Variants in SCLT1 observed in about 807,000 individuals in gnomAD.
The protein encoded by SCLT1 is sodium channel and clathrin linker 1.
SCLT1 carries 78 observed loss-of-function variants against 112.8 expected under a neutral mutation model. The ratio of observed to expected loss-of-function variants is 0.69; its 90% CI spans 0.58 to 0.83. SCLT1 has a LOEUF of 0.83. SCLT1 is among the 40% of genes least tolerant of loss of function. The pLI is 0.00. For missense variants in SCLT1, 747 were observed against 770.4 expected, an observed-to-expected ratio of 0.97 and a Z score of 0.36; for synonymous variants, 257 against 254.7, an observed-to-expected ratio of 1.01 and a Z score of -0.09.
intron 11 of SCLT1, among the ~76,000 whole-genome samples, chr4:128,961,752 C>T (rs958433277): frequency 2.0e-5 from 3 of 152,200 alleles, no homozygotes; most frequent in African/African-American, 7.2e-5. Flanking sequence ...CACCAGGACT[C>T]CCTACCAATC....
chr4:128,965,797 T>C (rs550401316), intron 10 of SCLT1, among the ~76,000 whole-genome samples: 2 of 151,988 alleles, frequency 1.3e-5, no homozygotes, highest in South Asian at 4.1e-4. Flanking sequence ...TCTTGCTTCA[T>C]GTGTTAACAA....
intron 5 of SCLT1, among the ~76,000 whole-genome samples, chr4:129,020,047 C>T (rs1441374079): frequency 1.3e-5 from 2 of 152,186 alleles, no homozygotes; most frequent in African/African-American, 2.4e-5. Context: ...CTGGTCCCTA[C>T]CCGCCATGTG....
intron 18 of SCLT1, among the ~76,000 whole-genome samples, chr4:128,912,200 A>AT (rs1445538645): frequency 7.9e-5 from 12 of 152,306 alleles, no homozygotes; most frequent in African/African-American, 2.6e-4. Flanking sequence ...GCAATTTATT[A>AT]TTAATTAAAG....
chr4:129,002,081 T>C (rs978087162), intron 6 of SCLT1, among the ~76,000 whole-genome samples: 2 of 152,010 alleles, frequency 1.3e-5, no homozygotes, highest in African/African-American at 4.8e-5. Context: ...AAAATATCAC[T>C]TTCATAATTA....
chr4:129,070,901 T>C (rs1221142500), intron 2 of SCLT1, among the ~76,000 whole-genome samples: 1 of 152,128 alleles, frequency 6.6e-6, no homozygotes, highest in African/African-American at 2.4e-5. Flanking sequence ...CTTTTTGATG[T>C]ATGTGTTTAG....
At chr4:128,954,399 A>C (rs1283728174) in intron 13 of SCLT1, among the ~76,000 whole-genome samples, 4 of 150,548 alleles carry the variant, frequency 2.7e-5, no homozygotes, top group African/African-American at 9.8e-5. Context: ...GCTCACGGCA[A>C]GCCCCGCCTC....
chr4:129,030,547 A>G (rs961856422), intron 5 of SCLT1, among the ~76,000 whole-genome samples: 9 of 152,246 alleles, frequency 5.9e-5, no homozygotes, highest in African/African-American at 2.2e-4. Flanking sequence ...AATATTAACA[A>G]TATAGACGGA....
At chr4:128,970,708 G>A in intron 9 of SCLT1, 1 of 383,286 alleles carries the variant, frequency 2.6e-6, no homozygotes, top group Non-Finnish European at 4.7e-6. Flanking sequence ...TGCTGTACTT[G>A]GGTAAATTAT....
intron 10 of SCLT1, 139 bp downstream of exon 10, chr4:128,970,239 C>T: frequency 1.6e-6 from 1 of 625,168 alleles, no homozygotes; most frequent in Non-Finnish European, 2.8e-6. Flanking sequence ...GTTTAGCTTC[C>T]TACTTTCATA....
At chr4:129,013,288 A>G (rs1744703214) in intron 5 of SCLT1, among the ~76,000 whole-genome samples, 1 of 152,108 alleles carries the variant, frequency 6.6e-6, no homozygotes, top group African/African-American at 2.4e-5. Flanking sequence ...GTGCCTTTTA[A>G]TTGAGGCATT....
At chr4:128,912,362 T>C (rs1296829917) in intron 18 of SCLT1, among the ~76,000 whole-genome samples, 2 of 152,196 alleles carry the variant, frequency 1.3e-5, no homozygotes, top group Non-Finnish European at 2.9e-5. Flanking sequence ...GATGCTATTG[T>C]ATGTCAAGGG....
intron 4 of SCLT1, among the ~76,000 whole-genome samples, chr4:129,042,899 T>G (rs1207678179): frequency 6.6e-6 from 1 of 151,570 alleles, no homozygotes; most frequent in African/African-American, 2.4e-5. Context: ...ATGGTGAAAC[T>G]CCATCTCTAC....
At chr4:128,999,221 G>A (rs1222441436) in intron 7 of SCLT1, among the ~76,000 whole-genome samples, 1 of 151,890 alleles carries the variant, frequency 6.6e-6, no homozygotes, top group African/African-American at 2.4e-5. Flanking sequence ...AGACAAAATT[G>A]ACACCTATTT....
chr4:129,010,527 T>C (rs1186077628), intron 5 of SCLT1, among the ~76,000 whole-genome samples: 1 of 152,240 alleles, frequency 6.6e-6, no homozygotes, highest in African/African-American at 2.4e-5. Context: ...TTTTACAATA[T>C]TGATGCTTTC....
chr4:129,036,012 T>C (rs901563627), intron 5 of SCLT1, among the ~76,000 whole-genome samples: 5 of 152,018 alleles, frequency 3.3e-5, no homozygotes, highest in Non-Finnish European at 1.5e-5. Flanking sequence ...TCCACACCAT[T>C]GCTACCTTCC....
chr4:128,896,461 G>A (rs1331808637), intron 18 of SCLT1, among the ~76,000 whole-genome samples: 2 of 152,198 alleles, frequency 1.3e-5, no homozygotes, highest in African/African-American at 4.8e-5. Context: ...GCAGCTGAGG[G>A]TCCTGACTGT....
intron 11 of SCLT1, among the ~76,000 whole-genome samples, chr4:128,964,435 A>G (rs1430776082): frequency 3.3e-5 from 5 of 152,182 alleles, no homozygotes; most frequent in Non-Finnish European, 7.4e-5. Context: ...AACACAAGGG[A>G]GAACAGTACT....
At chr4:129,022,655 C>A (rs2126125599) in intron 5 of SCLT1, among the ~76,000 whole-genome samples, 1 of 152,126 alleles carries the variant, frequency 6.6e-6, no homozygotes, top group East Asian at 1.9e-4. Context: ...GTGAAAAGAC[C>A]AAACCTACGA....
chr4:129,024,307 G>A (rs181494340), intron 5 of SCLT1, among the ~76,000 whole-genome samples: 1 of 152,322 alleles, frequency 6.6e-6, no homozygotes, highest in East Asian at 1.9e-4. Context: ...CCAAGTAGGG[G>A]CAGACTGACA....
Sources: gnomAD v4.1 joint callset for allele counts (sites outside exome capture counted in the v4.1 genomes callset) on GRCh38, gnomAD v4.1.1 for gene constraint, MANE v1.5 for transcripts, NCBI Gene and HGNC (gene_info 2026-07-23, HGNC 2026-07-21) for gene names.